The following METTL16 variants were observed in gnomAD, a reference collection of about 807,000 sequenced individuals.
METTL16 encodes methyltransferase 16, RNA N6-adenosine, also known as RNA N(6)-adenosine-methyltransferase METTL16.
Under a neutral mutation model 57.9 loss-of-function variants are expected in METTL16, and 19 were observed. That is an observed-to-expected ratio of 0.33 (90% CI 0.23 to 0.48). The LOEUF (loss-of-function observed/expected upper bound fraction) is 0.48, where lower values mean the gene tolerates loss of function less well. Among genes scored for constraint, METTL16 ranks in the 20% least tolerant of loss-of-function variants. The pLI is 0.99. For synonymous variants in METTL16, 246 were observed against 255.6 expected, an observed-to-expected ratio of 0.96 and a Z score of 0.36; for missense variants, 434 against 691.5, an observed-to-expected ratio of 0.63 and a Z score of 4.18.
intron 6 of METTL16, among the ~76,000 whole-genome samples, chr17:2,446,936 T>A (rs1173175469): frequency 2.0e-5 from 3 of 151,474 alleles, no homozygotes; most frequent in Non-Finnish European, 4.4e-5. Context: ...CGCTACAGCC[T>A]CCACCTCCCA....
intron 2 of METTL16, among the ~76,000 whole-genome samples, chr17:2,496,742 G>A (rs1475183189): frequency 6.6e-6 from 1 of 151,474 alleles, no homozygotes; most frequent in Non-Finnish European, 1.5e-5. Context: ...TAGGAGGTGG[G>A]ACCTAGTGGG....
intron 6 of METTL16, among the ~76,000 whole-genome samples, chr17:2,447,672 T>C (rs1597448171): frequency 1.7e-5 from 2 of 116,256 alleles, no homozygotes; most frequent in Admixed American, 8.1e-5. Context: ...GGAGCCCCTC[T>C]GCCCGGCCAG....
chr17:2,497,678 A>G (rs2067456449), intron 2 of METTL16, among the ~76,000 whole-genome samples: 1 of 151,598 alleles, frequency 6.6e-6, no homozygotes, highest in Non-Finnish European at 1.5e-5. Context: ...GTGACTTGCC[A>G]GGTACCTTTA....
intron 5 of METTL16, among the ~76,000 whole-genome samples, chr17:2,466,051 G>A (rs909502357): frequency 7.9e-5 from 12 of 151,356 alleles, no homozygotes; most frequent in African/African-American, 2.7e-4. Flanking sequence ...AAATTAGCCG[G>A]GCGTGGAGGT....
intron 8 of METTL16, among the ~76,000 whole-genome samples, chr17:2,422,078 G>A (rs185013078): frequency 2.1e-4 from 32 of 152,258 alleles, no homozygotes; most frequent in Admixed American, 1.6e-3. Context: ...CTGGGAGGCC[G>A]AAGCAGGCAG....
intron 2 of METTL16, among the ~76,000 whole-genome samples, chr17:2,489,828 C>T: frequency 6.7e-6 from 1 of 149,634 alleles, no homozygotes; most frequent in East Asian, 2.0e-4. Flanking sequence ...AAAATAAGTC[C>T]AGTGATAAAA....
At position 2,432,497 on chromosome 17, in the gene METTL16, A is replaced by C. The variant is rs368703809; in HGVS notation, c.888+5612T>G. ...CAGGGGAGGATCACACGAGCCTGGG[A>C]GGTCAAAGCTGCAGTGAGCCGTGAG... is the stretch of plus-strand genomic sequence containing the variant. On this transcript the variant is annotated intron_variant, in intron 8 of 9. Coordinates refer to ENST00000263092, the MANE Select transcript of METTL16 (RefSeq NM_024086.4). Among the ~76,000 whole-genome samples, 21 of 152,272 alleles carry C rather than the reference A, an allele frequency of 1.4e-4. No individual in the cohort carries two copies. In the South Asian group the frequency reaches 2.9e-3, roughly 21 times the overall value.
At position 2,477,572 on chromosome 17, in the gene METTL16, G is replaced by A. The variant is rs550826607; in HGVS notation, c.328+114C>T. On this transcript the variant is annotated intron_variant, in intron 3 of 9. Transcript: ENST00000263092. ...GATTAAGGATGCTCAACCTGTATCT[G>A]TAGCCAGCTTCTTTTGTACAACAAC... is the stretch of plus-strand genomic sequence containing the variant. The A allele has an allele frequency of 1.3e-4, 97 of 775,474 alleles. 1 individual carries two copies. The African/African-American group carries it at 1.6e-3, about 13-fold the overall frequency. 48.0% of individuals were successfully genotyped at this position (775,474 alleles called of 1,614,324 possible).
chr17:2,473,046 AC>A (rs907986648), intron 4 of METTL16, among the ~76,000 whole-genome samples: 1 of 151,740 alleles, frequency 6.6e-6, no homozygotes, highest in African/African-American at 2.4e-5. Context: ...CAAATATCCC[AC>A]TCTGTTGGGG....
Position 2,420,945 on chromosome 17 carries a change from C to T in METTL16, c.889-41G>A, listed in dbSNP as rs1370192929. The T allele has an allele frequency of 1.9e-6, 3 of 1,596,320 alleles. No individual in the cohort carries two copies. The highest frequency in any genetic ancestry group is 2.3e-5 in the South Asian group (2 of 88,804). ...AGCATAGAAAAGAGAAGAAAGTTAT[C>T]CGAATAATTAAACCTCATGCATTGT... is the stretch of plus-strand genomic sequence containing the variant. On this transcript the variant is annotated intron_variant, in intron 8 of 9. Coordinates refer to ENST00000263092, the MANE Select transcript of METTL16 (RefSeq NM_024086.4). The surrounding 1 kb of genome is among the most constrained non-coding windows in gnomAD (Gnocchi z 5.4).
chr17:2,443,682 G>T (rs1422340262), intron 6 of METTL16, among the ~76,000 whole-genome samples: 1 of 151,594 alleles, frequency 6.6e-6, no homozygotes, highest in East Asian at 1.9e-4. Flanking sequence ...TTTATTTTTA[G>T]TAGAAACGGG....
Position 2,457,384 on chromosome 17 carries a change from T to A in METTL16, c.728+6824A>T, listed in dbSNP as rs150619633. Reference sequence around the variant, plus strand: ...AAAAGTCATTATCTAACATTTATACTACATGCTGCAACCTCCTAGAATAGT... The same window carrying A: ...AAAAGTCATTATCTAACATTTATACAACATGCTGCAACCTCCTAGAATAGT... On this transcript the variant is annotated intron_variant, in intron 6 of 9. Transcript: ENST00000263092. 1.5e-3 allele frequency among the ~76,000 whole-genome samples: 211 copies of A among 137,794 alleles called. 2 individuals are homozygous for A. Among genetic ancestry groups the A allele is most frequent in the African/African-American group, 5.2e-3 (194 of 37,426 alleles). The allele number at this position is 137,794 out of a possible 152,430, so 90.4% of individuals were successfully genotyped here.
intron 1 of METTL16, among the ~76,000 whole-genome samples, chr17:2,504,834 A>C (rs749561295): frequency 6.6e-6 from 1 of 152,140 alleles, no homozygotes; most frequent in Non-Finnish European, 1.5e-5. Flanking sequence ...AGCCTCCCAA[A>C]GTGCTACGAC....
rs2067283863 is a variant in METTL16, at chr17:2,478,712, T to C, written c.129-827A>G. 2.0e-5 allele frequency among the ~76,000 whole-genome samples: 3 copies of C among 152,356 alleles called. No individual in the cohort carries two copies. The South Asian group carries it at 6.2e-4, about 32-fold the overall frequency. On this transcript the variant is annotated intron_variant, in intron 2 of 9. Transcript: ENST00000263092. ...TCTGTCTTCATAGATTTGCCTTTTCTGGACACTTCAAGTAACTGAAATCAT... is the reference window on the plus strand; with the variant it reads ...TCTGTCTTCATAGATTTGCCTTTTCCGGACACTTCAAGTAACTGAAATCAT...
intron 7 of METTL16, 115 bp downstream of exon 7, chr17:2,441,375 C>T: frequency 1.5e-6 from 1 of 662,830 alleles, no homozygotes; most frequent in African/African-American, 1.9e-5. Flanking sequence ...GTGACAGTTA[C>T]ACTGAAAGCC....
At chr17:2,466,776 T>C (rs944021710) in intron 5 of METTL16, among the ~76,000 whole-genome samples, 1 of 152,186 alleles carries the variant, frequency 6.6e-6, no homozygotes, top group African/African-American at 2.4e-5. Context: ...TTATTTTTCA[T>C]TGTTACATTG....
intron 6 of METTL16, among the ~76,000 whole-genome samples, chr17:2,444,054 G>A (rs1264732885): frequency 3.3e-5 from 5 of 151,490 alleles, no homozygotes; most frequent in Admixed American, 2.6e-4. Context: ...ATTGGGTGAG[G>A]CATATGTTAG....
rs1567876704 is a variant in METTL16 at position 2,417,591 on chromosome 17, C to T, written c.*2379G>A. On this transcript the variant is annotated 3_prime_UTR_variant, in exon 10 of 10. Coordinates refer to ENST00000263092, the MANE Select transcript of METTL16 (RefSeq NM_024086.4). The stretch of plus-strand genomic sequence containing the variant: ...GCAAGGAGTGTAAGCTAATACACTA[C>T]TGTTACAACATGGACAAATACTTGT... 1 of 152,204 alleles carries T rather than the reference C, an allele frequency of 6.6e-6. No individual in the cohort carries two copies. The highest frequency in any genetic ancestry group is 1.5e-5 in the Non-Finnish European group (1 of 68,038). The allele number at this position is 152,204 out of a possible 1,614,324, so 9.4% of individuals were successfully genotyped here. A position where few individuals can be genotyped will look rare whatever the true frequency, so the allele number is the denominator to read the frequency against.
chr17:2,426,863 G>A (rs1009267592), intron 8 of METTL16, among the ~76,000 whole-genome samples: 2 of 151,490 alleles, frequency 1.3e-5, no homozygotes, highest in South Asian at 2.1e-4. Flanking sequence ...GGTCAGGCAC[G>A]GTGGCTCATG....
Sources: allele counts gnomAD v4.1 joint callset (sites outside exome capture counted in the v4.1 genomes callset), GRCh38; gene constraint gnomAD v4.1.1; non-coding constraint Gnocchi (gnomAD v3.1); transcripts MANE v1.5; gene names NCBI Gene and HGNC (gene_info 2026-07-23, HGNC 2026-07-21).